The following SOX6 variants were observed in gnomAD, a reference collection of about 807,000 sequenced individuals.
SOX6 encodes SRY-box transcription factor 6.
In SOX6, 11 loss-of-function variants were observed where a neutral mutation model predicts 97.8. The ratio of observed to expected loss-of-function variants is 0.11; its 90% CI spans 0.07 to 0.19. The LOEUF (loss-of-function observed/expected upper bound fraction) is 0.19. SOX6 is among the 10% of genes least tolerant of loss of function. The probability of loss-of-function intolerance (pLI) is 1.00; values close to 1 mark genes in which losing one functional copy is unlikely to be tolerated. For synonymous variants in SOX6, 360 were observed against 371.4 expected (o/e 0.97, Z 0.35); for missense variants, 810 against 1,039.5 (o/e 0.78, Z 3.04).
chr11:16,661,839 G>A (rs901493658), intron 3 of SOX6, among the ~76,000 whole-genome samples: 2 of 152,010 alleles, frequency 1.3e-5, no homozygotes, highest in Non-Finnish European at 2.9e-5. Flanking sequence ...GGGATTACAG[G>A]CTCTAGTCCT....
chr11:16,062,109 G>A (rs1847971690), intron 9 of SOX6, among the ~76,000 whole-genome samples: 1 of 151,546 alleles, frequency 6.6e-6, no homozygotes, highest in Admixed American at 6.6e-5. Flanking sequence ...CAGACAATCT[G>A]CAGAAGGGGA....
intron 4 of SOX6, among the ~76,000 whole-genome samples, chr11:16,200,038 C>T (rs894178467): frequency 2.0e-5 from 3 of 152,144 alleles, no homozygotes; most frequent in Middle Eastern, 3.4e-3. Context: ...CTTAATTGCC[C>T]AAAGAAATGA....
chr11:16,001,963 C>A (rs1305906727), intron 13 of SOX6, among the ~76,000 whole-genome samples: 2 of 152,164 alleles, frequency 1.3e-5, no homozygotes, highest in South Asian at 2.1e-4. Context: ...TGCTACTGCT[C>A]TGAAAAAGGG....
chr11:16,515,918 G>T (rs1860963739), intron 4 of SOX6, among the ~76,000 whole-genome samples: 1 of 146,072 alleles, frequency 6.8e-6, no homozygotes, highest in Non-Finnish European at 1.5e-5. Flanking sequence ...TCTCTGTTTT[G>T]GTACCAGTAC....
intron 10 of SOX6, 122 bp from the exon 11 acceptor site, chr11:16,050,060 A>G (rs1847648042): frequency 9.9e-7 from 1 of 1,009,070 alleles, no homozygotes. Flanking sequence ...AATAATAACA[A>G]AAGAAGCTAA....
chr11:16,484,134 G>A (rs1860392369), intron 4 of SOX6: 1 of 774,872 alleles, frequency 1.3e-6, no homozygotes, highest in Non-Finnish European at 2.4e-6. Context: ...TTAACTGCAG[G>A]CTTATCCTTT....
chr11:16,003,897 C>A (rs1854476134), intron 13 of SOX6, among the ~76,000 whole-genome samples: 1 of 151,994 alleles, frequency 6.6e-6, no homozygotes, highest in South Asian at 2.1e-4. Flanking sequence ...TCTGAGATGC[C>A]AGCCTCCCTA....
chr11:16,261,441 G>A (rs926384452), intron 3 of SOX6, among the ~76,000 whole-genome samples: 5 of 151,968 alleles, frequency 3.3e-5, no homozygotes, highest in Admixed American at 2.6e-4. Flanking sequence ...GTAACAAAAG[G>A]TTGGCTATGC....
chr11:16,468,843 C>G (rs1860088514), intron 1 of SOX6, among the ~76,000 whole-genome samples: 1 of 152,152 alleles, frequency 6.6e-6, no homozygotes, highest in Admixed American at 6.5e-5. Context: ...CCTGAAATGC[C>G]TAGCTCAGGC....
intron 4 of SOX6, among the ~76,000 whole-genome samples, chr11:16,556,315 T>C (rs1395324710): frequency 4.0e-5 from 6 of 151,766 alleles, no homozygotes; most frequent in Non-Finnish European, 8.9e-5. Context: ...AATGGAAATA[T>C]GGCCTAAAGC....
At chr11:16,649,973 C>T (rs1486671818) in intron 3 of SOX6, among the ~76,000 whole-genome samples, 1 of 152,078 alleles carries the variant, frequency 6.6e-6, no homozygotes, top group Admixed American at 6.6e-5. Context: ...CAAAAGTGAG[C>T]AAGAGTAGCT....
chr11:16,737,717 T>C (rs1171129637), intron 1 of SOX6, among the ~76,000 whole-genome samples: 1 of 152,048 alleles, frequency 6.6e-6, no homozygotes, highest in Non-Finnish European at 1.5e-5. Context: ...CACTTGAATC[T>C]GGAGAGAGGG....
intron 9 of SOX6, among the ~76,000 whole-genome samples, chr11:16,074,530 G>GCGC (rs1190190701): frequency 6.6e-6 from 1 of 152,058 alleles, no homozygotes; most frequent in Non-Finnish European, 1.5e-5. Flanking sequence ...AGAAGAGGTG[G>GCGC]CGCCATTTCT....
intron 3 of SOX6, among the ~76,000 whole-genome samples, chr11:16,643,725 A>G (rs1848963276): frequency 6.6e-6 from 1 of 152,226 alleles, no homozygotes; most frequent in South Asian, 2.1e-4. Flanking sequence ...GGCGCAGAAT[A>G]TAATCTCCTG....
intron 3 of SOX6, among the ~76,000 whole-genome samples, chr11:16,272,914 G>A (rs986060137): frequency 6.6e-6 from 1 of 151,796 alleles, no homozygotes; most frequent in Non-Finnish European, 1.5e-5. Context: ...CTGGCCTTGA[G>A]ATATATGTAT....
Position 16,341,205 on chromosome 11 carries a change from T to C in SOX6, c.44A>G (p.Asp15Gly). The C allele has an allele frequency of 6.2e-7, 1 of 1,613,382 alleles. No individual in the cohort carries two copies. Among genetic ancestry groups the C allele is most frequent in the Non-Finnish European group, 8.5e-7 (1 of 1,179,568 alleles). The change falls in exon 2 of 16, where the codon GAT becomes GGT. Residue 15 changes from aspartate (D) to glycine (G), a missense_variant. Physicochemically the swap from Asp to Gly is moderately conservative, Grantham distance 94. Coordinates refer to ENST00000683767, the MANE Select transcript of SOX6 (RefSeq NM_001367873.1). Reference sequence around the variant, plus strand: ...ATCCTGGGTCATTGCATCCTCTCCATCAGCTGCACAGGCAAATGGAGAGGT... The same window carrying C: ...ATCCTGGGTCATTGCATCCTCTCCACCAGCTGCACAGGCAAATGGAGAGGT... Reference protein sequence around the residue: ...QATSPFACAADGEDAMTQDLT... With the variant: ...QATSPFACAAGGEDAMTQDLT...
intron 1 of SOX6, among the ~76,000 whole-genome samples, chr11:16,453,887 A>C (rs1859765407): frequency 6.6e-6 from 1 of 152,152 alleles, no homozygotes; most frequent in South Asian, 2.1e-4. Context: ...TTACCGCCTC[A>C]TTTTATGATT....
At chr11:16,363,285 T>C (rs532086263) in intron 1 of SOX6, among the ~76,000 whole-genome samples, 3 of 152,176 alleles carry the variant, frequency 2.0e-5, no homozygotes, top group African/African-American at 7.2e-5. Context: ...TGGAGAAAAC[T>C]TCTTTAGAGA....
chr11:16,304,871 A>G (rs544642577), intron 3 of SOX6, among the ~76,000 whole-genome samples: 2 of 152,296 alleles, frequency 1.3e-5, no homozygotes, highest in South Asian at 4.1e-4. Flanking sequence ...TCCATAGGCC[A>G]AAAGAAATGA....
Sources: gnomAD v4.1 joint callset for allele counts (sites outside exome capture counted in the v4.1 genomes callset) on GRCh38, gnomAD v4.1.1 for gene constraint, MANE v1.5 for transcripts, NCBI Gene and HGNC (gene_info 2026-07-23, HGNC 2026-07-21) for gene names.